The following REV1 variants were observed in gnomAD, a reference collection of about 807,000 sequenced individuals.
REV1 encodes translesion synthesis protein REV1.
A neutral mutation model predicts 137.4 loss-of-function variants in REV1; 42 were observed. The observed-to-expected ratio is 0.31, with a 90% CI of 0.24 to 0.40. The LOEUF (loss-of-function observed/expected upper bound fraction) is 0.40, where lower values mean the gene tolerates loss of function less well. Ranked by LOEUF, REV1 falls within the 10% of genes least tolerant of loss-of-function variation. The pLI is 1.00. For synonymous variants in REV1, 524 were observed against 519.2 expected, an observed-to-expected ratio of 1.01 and a Z score of -0.12; for missense variants, 1,282 against 1,490.1, an observed-to-expected ratio of 0.86 and a Z score of 2.30.
At chr2:99,454,550 CAAAAAAAAAAAAAAAAAAAAAAAAAAAAA>C (rs373850478) in intron 3 of REV1, among the ~76,000 whole-genome samples, 3 of 82,368 alleles carry the variant, frequency 3.6e-5, no homozygotes, top group Admixed American at 1.4e-4. Context: ...AACTCCAGCT[CAAAAAAAAAAAAAAAAAAAAAAAAAAAAA>C]AAAAAAAAAA....
chr2:99,416,912 CAAAA>C (rs755184253), intron 12 of REV1, among the ~76,000 whole-genome samples: 2 of 77,854 alleles, frequency 2.6e-5, no homozygotes, highest in South Asian at 5.3e-4. Context: ...GACTCCATCT[CAAAA>C]AAAAAAAAAA....
rs746262876 is a variant in REV1, at chr2:99,438,644, T to C, written c.1170A>G (p.Lys390=). Residue 390 remains lysine, a synonymous_variant, in exon 6 of 23, where the codon AAA becomes AAG. Transcript: ENST00000258428. ...NGIFPGREKL[K]KMKTGRSALV... ...GTGCAGACCTGCCTGTTTTCATTTT[T>C]TTTAACTTTTCCCTTCCTGGAAAGA... is the stretch of plus-strand genomic sequence containing the variant. 20 of 1,613,904 alleles carry C rather than the reference T, an allele frequency of 1.2e-5. No individual in the cohort carries two copies. The highest frequency in any genetic ancestry group is 1.7e-5 in the Non-Finnish European group (20 of 1,180,032).
At chr2:99,441,884 A>T (rs1681528955) in intron 5 of REV1, among the ~76,000 whole-genome samples, 1 of 152,192 alleles carries the variant, frequency 6.6e-6, no homozygotes, top group South Asian at 2.1e-4. Context: ...CAACATGTTT[A>T]TTATAAGTGA....
At chr2:99,412,069 TA>T (rs1475807022) in intron 13 of REV1, among the ~76,000 whole-genome samples, 3 of 151,466 alleles carry the variant, frequency 2.0e-5, no homozygotes, top group Admixed American at 1.3e-4. Context: ...ACGTCTCTAC[TA>T]AAAGTACAAA....
At chr2:99,404,819 A>G in intron 17 of REV1, 142 bp from the exon 18 acceptor site, 1 of 674,984 alleles carries the variant, frequency 1.5e-6, no homozygotes. Flanking sequence ...TAGGAAAGCC[A>G]CCTCCAAATC....
chr2:99,413,247 T>C (rs1677427156), intron 12 of REV1, among the ~76,000 whole-genome samples: 1 of 152,230 alleles, frequency 6.6e-6, no homozygotes, highest in African/African-American at 2.4e-5. Flanking sequence ...TAGTGAATAA[T>C]ACCAAGATAT....
chr2:99,401,011 TAAAC>T lies in REV1; in HGVS notation c.*226_*229del. 2 of 316,446 alleles carry T rather than the reference TAAAC, an allele frequency of 6.3e-6. No individual in the cohort carries two copies. The highest frequency in any genetic ancestry group is 6.3e-5 in the South Asian group (1 of 15,774). The allele number at this position is 316,446 out of a possible 1,614,324, so 19.6% of individuals were successfully genotyped here. ...CACTGTAAAAATCCATAAAACTTTA[TAAAC>T]AAACATTTTGTAAATAGAATCTATG... On this transcript the variant is annotated 3_prime_UTR_variant, in exon 23 of 23. Transcript: ENST00000258428.
At chr2:99,459,710 C>G (rs1683961619) in intron 3 of REV1, among the ~76,000 whole-genome samples, 1 of 151,952 alleles carries the variant, frequency 6.6e-6, no homozygotes, top group Non-Finnish European at 1.5e-5. Context: ...TATCTCAAAA[C>G]AAAGAAACAA....
chr2:99,411,002 C>T (rs761392034), intron 13 of REV1, 135 bp from the exon 14 acceptor site: 32 of 760,612 alleles, frequency 4.2e-5, no homozygotes, highest in Non-Finnish European at 5.4e-5. Flanking sequence ...TAAAAAGAAA[C>T]GTGGCCAGGC....
intron 8 of REV1, among the ~76,000 whole-genome samples, chr2:99,433,100 A>G (rs1018995925): frequency 2.0e-5 from 3 of 152,228 alleles, no homozygotes; most frequent in Non-Finnish European, 4.4e-5. Context: ...TATGACAAGT[A>G]TTGTGTACTT....
intron 11 of REV1, 29 bp from the exon 12 acceptor site, chr2:99,418,976 T>G: frequency 6.5e-7 from 1 of 1,544,168 alleles, no homozygotes. Flanking sequence ...ATCCAAGAAA[T>G]AGTCACAATT....
chr2:99,414,865 G>A (rs1435082458), intron 12 of REV1, among the ~76,000 whole-genome samples: 1 of 152,156 alleles, frequency 6.6e-6, no homozygotes, highest in East Asian at 1.9e-4. Context: ...CATGTGTTGG[G>A]GTGGAAACCC....
At chr2:99,413,332 T>G (rs995700417) in intron 12 of REV1, among the ~76,000 whole-genome samples, 4 of 152,216 alleles carry the variant, frequency 2.6e-5, no homozygotes, top group Non-Finnish European at 1.5e-5. Flanking sequence ...ACAGACATAC[T>G]AACCAACTCA....
At chr2:99,425,383 A>C (rs1327029087) in intron 9 of REV1, among the ~76,000 whole-genome samples, 1 of 152,188 alleles carries the variant, frequency 6.6e-6, no homozygotes, top group Admixed American at 6.5e-5. Flanking sequence ...GAAATACCTA[A>C]GAGGAAGGAA....
chr2:99,488,989 T>C (rs1687388069), intron 1 of REV1, among the ~76,000 whole-genome samples: 1 of 152,212 alleles, frequency 6.6e-6, no homozygotes, highest in African/African-American at 2.4e-5. Context: ...TTAGCAGACG[T>C]ATATTATCTG....
intron 1 of REV1, among the ~76,000 whole-genome samples, chr2:99,479,952 A>G (rs1389570190): frequency 6.6e-6 from 1 of 152,126 alleles, no homozygotes; most frequent in Non-Finnish European, 1.5e-5. Context: ...ACAGGATAGA[A>G]GGTAGGATAG....
chr2:99,427,416 C>T (rs139742952), intron 9 of REV1, among the ~76,000 whole-genome samples: 1 of 152,262 alleles, frequency 6.6e-6, no homozygotes, highest in East Asian at 1.9e-4. Flanking sequence ...TAAGTATAGG[C>T]CAACTACTAA....
At chr2:99,401,992 C>T (rs1449041398) in intron 22 of REV1, among the ~76,000 whole-genome samples, 2 of 152,168 alleles carry the variant, frequency 1.3e-5, no homozygotes, top group Non-Finnish European at 2.9e-5. Context: ...CCCCAGCCTC[C>T]CGAAGTGAAG....
At chr2:99,448,191 G>A (rs1682467332) in intron 4 of REV1, among the ~76,000 whole-genome samples, 1 of 151,910 alleles carries the variant, frequency 6.6e-6, no homozygotes, top group Non-Finnish European at 1.5e-5. Context: ...GTTAATGGAG[G>A]GTGTTATAAT....
Sources: allele counts gnomAD v4.1 joint callset (sites outside exome capture counted in the v4.1 genomes callset), GRCh38; gene constraint gnomAD v4.1.1; transcripts MANE v1.5; gene names NCBI Gene and HGNC (gene_info 2026-07-23, HGNC 2026-07-21).